Variants in SHCBP1 observed in about 807,000 individuals in gnomAD.
SHCBP1 encodes SHC SH2 domain-binding protein 1.
In SHCBP1, 60 loss-of-function variants were observed where a neutral mutation model predicts 75.1. The observed-to-expected ratio is 0.80, with a 90% confidence interval of 0.65 to 0.99. The LOEUF (loss-of-function observed/expected upper bound fraction) is 0.99, where lower values mean the gene tolerates loss of function less well. SHCBP1 is among the 50% of genes least tolerant of loss of function. SHCBP1 has a pLI of 0.00. For missense variants in SHCBP1, 709 were observed against 809.4 expected (o/e 0.88, Z 1.50); for synonymous variants, 290 against 293.2 (o/e 0.99, Z 0.11).
At chr16:46,609,818 T>C (rs1214271790) in intron 4 of SHCBP1, among the ~76,000 whole-genome samples, 1 of 152,050 alleles carries the variant, frequency 6.6e-6, no homozygotes, top group African/African-American at 2.4e-5. Context: ...CCTAAACATA[T>C]ACAACAACAG....
intron 4 of SHCBP1, among the ~76,000 whole-genome samples, chr16:46,613,299 G>T (rs1387656525): frequency 6.6e-6 from 1 of 152,208 alleles, no homozygotes; most frequent in Non-Finnish European, 1.5e-5. Flanking sequence ...CTGTACTCCA[G>T]CCTAGGCAAC....
In SHCBP1 at chr16:46,618,234, C is replaced by G. The variant is rs772293350; in HGVS notation, c.242G>C (p.Arg81Pro). 6.2e-7 allele frequency: 1 copy of G among 1,609,156 alleles called. No homozygotes were observed. Among genetic ancestry groups the G allele is most frequent in the Non-Finnish European group, 8.5e-7 (1 of 1,178,800 alleles). ...AATGTAATCTTGATAGGCTCTGAAT[C>G]GCTCATAGAACAAAAGTTGATTTGT... Reference protein sequence around the residue: ...FQTNQLLFYERFRAYQDYILA... With the variant: ...FQTNQLLFYEPFRAYQDYILA... Residue 81 changes from arginine (R) to proline (P), a missense_variant, in exon 2 of 13, where the codon CGA becomes CCA. Transcript: ENST00000303383.
intron 9 of SHCBP1, 59 bp downstream of exon 9, chr16:46,599,772 G>C (rs1965202569): frequency 1.4e-6 from 2 of 1,417,642 alleles, no homozygotes; most frequent in Non-Finnish European, 1.9e-6. Flanking sequence ...CTTCCATAGA[G>C]AGAACCGTTT....
intron 4 of SHCBP1, among the ~76,000 whole-genome samples, chr16:46,608,788 A>T (rs1965363392): frequency 6.6e-6 from 1 of 151,934 alleles, no homozygotes; most frequent in Non-Finnish European, 1.5e-5. Flanking sequence ...TTTAGTAGAG[A>T]TGGGGATTCA....
chr16:46,615,933 C>T lies in SHCBP1; in HGVS notation c.596+13G>A, dbSNP rs1165746453. On this transcript the variant is annotated intron_variant, in intron 4 of 12. Coordinates refer to ENST00000303383, the MANE Select transcript of SHCBP1 (RefSeq NM_024745.5). ...CTGGCCACAAGGTTATTTTTCTCAA[C>T]TTCTTTTCCTACCTGACATGCTCAA... is the stretch of plus-strand genomic sequence containing the variant. The T allele has an allele frequency of 6.8e-6, 11 of 1,613,658 alleles. No individual in the cohort carries two copies. In the African/African-American group the frequency reaches 1.3e-4, roughly 20 times the overall value.
chr16:46,594,845 C>T lies in SHCBP1; in HGVS notation c.1464+707G>A, dbSNP rs537707179. Among the ~76,000 whole-genome samples, 383 of 152,268 alleles carry T rather than the reference C, an allele frequency of 2.5e-3. 2 individuals are homozygous for T. Among genetic ancestry groups the T allele is most frequent in the Non-Finnish European group, 3.2e-3 (218 of 68,028 alleles). ...AGGCAAAAACTGGAGACAATCTAGA[C>T]ATCCTTCCACAAGTGACAAAACAAA... On this transcript the variant is annotated intron_variant, in intron 10 of 12. Coordinates refer to ENST00000303383, the MANE Select transcript of SHCBP1 (RefSeq NM_024745.5).
chr16:46,586,489 A>G (rs1596669766), intron 10 of SHCBP1, among the ~76,000 whole-genome samples: 1 of 152,254 alleles, frequency 6.6e-6, no homozygotes, highest in Non-Finnish European at 1.5e-5. Context: ...AAGATCCAAT[A>G]TTCATGTCAT....
In SHCBP1 at chr16:46,603,781, C is replaced by T. The variant is rs1596681862; in HGVS notation, c.1093-122G>A. 4 of 1,386,146 alleles carry T rather than the reference C, an allele frequency of 2.9e-6. No individual in the cohort carries two copies. In the East Asian group the frequency reaches 7.2e-5, roughly 25 times the overall value. 85.9% of individuals were successfully genotyped at this position (1,386,146 alleles called of 1,614,324 possible). ...AGCCAAAAACTGCATATTGAAGCATCTCCTTTGATAGCGCACTGACCTAAC... is the reference window on the plus strand; with the variant it reads ...AGCCAAAAACTGCATATTGAAGCATTTCCTTTGATAGCGCACTGACCTAAC... On this transcript the variant is annotated intron_variant, in intron 7 of 12. Coordinates refer to ENST00000303383, the MANE Select transcript of SHCBP1 (RefSeq NM_024745.5).
At chr16:46,605,328 C>T (rs1051557873) in intron 5 of SHCBP1, among the ~76,000 whole-genome samples, 7 of 152,334 alleles carry the variant, frequency 4.6e-5, no homozygotes, top group Non-Finnish European at 8.8e-5. Context: ...GTGGCTCACA[C>T]CTGTAATCCC....
intron 5 of SHCBP1, 24 bp from the exon 6 acceptor site, chr16:46,604,485 A>G (rs1415700483): frequency 3.3e-6 from 5 of 1,528,018 alleles, no homozygotes; most frequent in Non-Finnish European, 4.5e-6. Context: ...AGCAAAGTGA[A>G]ATCCACTGCC....
At chr16:46,602,401 C>A (rs191530409) in intron 8 of SHCBP1, among the ~76,000 whole-genome samples, 25 of 152,232 alleles carry the variant, frequency 1.6e-4, no homozygotes, top group Non-Finnish European at 2.6e-4. Flanking sequence ...GAAGTACTGA[C>A]AAGATAAAGA....
At chr16:46,583,853 C>A in intron 11 of SHCBP1, 150 bp downstream of exon 11, 1 of 895,296 alleles carries the variant, frequency 1.1e-6, no homozygotes, top group Non-Finnish European at 1.7e-6. Flanking sequence ...AGCATTCTCA[C>A]AAGAGATTCC....
At chr16:46,607,571 G>A (rs568258711) in intron 5 of SHCBP1, among the ~76,000 whole-genome samples, 2 of 152,078 alleles carry the variant, frequency 1.3e-5, no homozygotes, top group East Asian at 3.9e-4. Flanking sequence ...CTTTCAAACG[G>A]GGGGAAAAAA....
intron 9 of SHCBP1, among the ~76,000 whole-genome samples, chr16:46,599,496 C>T (rs750950569): frequency 3.3e-5 from 5 of 151,888 alleles, no homozygotes; most frequent in Non-Finnish European, 5.9e-5. Flanking sequence ...TGGTTCATGG[C>T]ACCCCAAAAC....
chr16:46,595,688 GCTGA>G lies in SHCBP1; in HGVS notation c.1346-22_1346-19del, dbSNP rs768840759. The stretch of plus-strand genomic sequence containing the variant: ...GTGAACAACTGGGATGAAAATACAC[GCTGA>G]CTGTTTTAAGAAGTAATGTGCCTTT... On this transcript the variant is annotated intron_variant, in intron 9 of 12. Transcript: ENST00000303383. 3.2e-6 allele frequency: 5 copies of G among 1,579,690 alleles called. No individual in the cohort carries two copies. In the African/African-American group the frequency reaches 4.0e-5, roughly 13 times the overall value.
chr16:46,580,647 T>C lies in SHCBP1; in HGVS notation c.*1082A>G, dbSNP rs927062221. 1 of 152,174 alleles carries C rather than the reference T, an allele frequency of 6.6e-6. No homozygotes were observed. The highest frequency in any genetic ancestry group is 1.5e-5 in the Non-Finnish European group (1 of 68,026). 9.4% of individuals were successfully genotyped at this position (152,174 alleles called of 1,614,324 possible). Reference sequence around the variant, plus strand: ...AAATATTTTTAAAGCTGTTTTACAATATGATAACAAGAACACCCAGCAGAT... The same window carrying C: ...AAATATTTTTAAAGCTGTTTTACAACATGATAACAAGAACACCCAGCAGAT... On this transcript the variant is annotated 3_prime_UTR_variant, in exon 13 of 13. Coordinates refer to ENST00000303383, the MANE Select transcript of SHCBP1 (RefSeq NM_024745.5).
chr16:46,584,715 T>A (rs1246505341), intron 10 of SHCBP1, among the ~76,000 whole-genome samples: 1 of 152,204 alleles, frequency 6.6e-6, no homozygotes, highest in South Asian at 2.1e-4. Flanking sequence ...TCATACCTTA[T>A]GGCACCAAAA....
In SHCBP1 at chr16:46,604,051, A is replaced by T; in HGVS notation, c.1016T>A (p.Met339Lys). The change falls in exon 7 of 13, where the codon ATG becomes AAG. Residue 339 changes from methionine to lysine, a missense_variant. Met to Lys is a moderately conservative substitution (Grantham distance 95). Coordinates refer to ENST00000303383, the MANE Select transcript of SHCBP1 (RefSeq NM_024745.5). ...QKITHVVSST[M>K]MAGLLRSLLT... is the part of the protein sequence containing the mutation. ...CAGGGACCGCAGGAGACCAGCCATC[A>T]TGGTGGAGGAGACCACATGAGTGAT... 1 of 1,614,192 alleles carries T rather than the reference A, an allele frequency of 6.2e-7. No individual in the cohort carries two copies. Among genetic ancestry groups the T allele is most frequent in the African/African-American group, 1.3e-5 (1 of 75,042 alleles).
rs377514720 is a variant in SHCBP1, at chr16:46,604,171, T to G, written c.924-28A>C. 2.1e-5 allele frequency: 34 copies of G among 1,613,154 alleles called. No homozygotes were observed. The African/African-American group carries it at 4.5e-4, about 22-fold the overall frequency. The stretch of plus-strand genomic sequence containing the variant: ...TAAAGAAACGAAACAGGCCTATCAG[T>G]AAGACAGCAAGTAAGAAAAGATGCT... On this transcript the variant is annotated intron_variant, in intron 6 of 12. Coordinates refer to ENST00000303383, the MANE Select transcript of SHCBP1 (RefSeq NM_024745.5).
Sources: allele counts gnomAD v4.1 joint callset (sites outside exome capture counted in the v4.1 genomes callset), GRCh38; gene constraint gnomAD v4.1.1; transcripts MANE v1.5; gene names NCBI Gene and HGNC (gene_info 2026-07-23, HGNC 2026-07-21).